Variants in SLC39A3 observed in about 807,000 individuals in gnomAD.
SLC39A3 encodes zinc transporter ZIP3.
Under a neutral mutation model 5.1 loss-of-function variants are expected in SLC39A3, and 3 were observed. The observed-to-expected ratio is 0.59, with a 90% CI of 0.27 to 1.54. SLC39A3 has a LOEUF of 1.54. SLC39A3 is among the 40% of genes most tolerant of loss of function. The probability of loss-of-function intolerance (pLI) is 0.12; values close to 1 mark genes in which losing one functional copy is unlikely to be tolerated. For synonymous variants in SLC39A3, 250 were observed against 218.8 expected, an observed-to-expected ratio of 1.14 and a Z score of -1.26; for missense variants, 412 against 436.4, an observed-to-expected ratio of 0.94 and a Z score of 0.50.
chr19:2,733,169 G>A lies in SLC39A3; in HGVS notation c.527C>T (p.Ala176Val), dbSNP rs768511805. The stretch of plus-strand genomic sequence containing the variant: ...CTCAAAGACCGAGTGGGCCGACAGC[G>A]CGAAGGCCAGGCTGAGCAGGCGCAC... ...SPVRLLSLAF[A>V]LSAHSVFEGL... The change falls in exon 3 of 3, where the codon GCG (alanine) becomes GTG (valine). Residue 176 changes from alanine to valine, a missense_variant. Physicochemically the swap from Ala to Val is moderately conservative, Grantham distance 64. Coordinates refer to ENST00000269740, the MANE Select transcript of SLC39A3 (RefSeq NM_144564.5). This position sits in a 1 kb window ranked among gnomAD's most constrained non-coding sequence, Gnocchi z 6.1. 23 of 1,609,994 alleles carry A rather than the reference G, an allele frequency of 1.4e-5. 1 individual carries two copies. The highest frequency in any genetic ancestry group is 1.7e-4 in the Middle Eastern group (1 of 6,052).
intron 1 of SLC39A3, among the ~76,000 whole-genome samples, chr19:2,738,693 T>C (rs942437370): frequency 6.6e-6 from 1 of 151,948 alleles, no homozygotes; most frequent in Admixed American, 6.6e-5. Context: ...GCAGATCACC[T>C]GAGGTCGAGA....
chr19:2,737,510 G>T, intron 1 of SLC39A3, 131 bp from the exon 2 acceptor site: 2 of 534,460 alleles, frequency 3.7e-6, no homozygotes, highest in South Asian at 5.1e-5. Context: ...CCGCTTCCTG[G>T]ATTCAAGCAA....
chr19:2,732,794 A>C lies in SLC39A3; in HGVS notation c.902T>G (p.Leu301Arg). The C allele has an allele frequency of 6.2e-7, 1 of 1,608,394 alleles. No homozygotes were observed. The highest frequency in any genetic ancestry group is 8.5e-7 in the Non-Finnish European group (1 of 1,177,278). The part of the protein sequence containing the change: ...DRLLKVLFLV[L>R]GYTVLAGMVF... ...CATCCCGGCCAGGACGGTGTAGCCC[A>C]GCACCAGGAAGAGGACCTTGAGCAG... Residue 301 changes from leucine to arginine, a missense_variant, in exon 3 of 3, where the codon CTG (leucine) becomes CGG (arginine). Leu to Arg is a moderately radical substitution (Grantham distance 102). Transcript: ENST00000269740.
chr19:2,737,083 A>G lies in SLC39A3; in HGVS notation c.175T>C (p.Cys59Arg), dbSNP rs764305815. Residue 59 changes from cysteine to arginine, a missense_variant, in exon 2 of 3, where the codon TGC becomes CGC. Transcript: ENST00000269740. The part of the protein sequence containing the change: ...TFGGGVFLAT[C>R]FNALLPAVRE... ...ACAGCGGGCAGCAGAGCGTTGAAGC[A>G]CGTGGCCAGAAACACCCCTCCTCCA... The G allele has an allele frequency of 1.2e-6, 2 of 1,614,200 alleles. No homozygotes were observed. The highest frequency in any genetic ancestry group is 1.7e-5 in the Admixed American group (1 of 60,010).
chr19:2,736,791 T>C (rs747971062), intron 2 of SLC39A3: 394 of 1,449,272 alleles, frequency 2.7e-4, no homozygotes, highest in Non-Finnish European at 3.4e-4. Context: ...GTGGGTAGTC[T>C]GGTCTGATTA....
In SLC39A3 at chr19:2,737,187, A is replaced by G. The variant is rs1217035942; in HGVS notation, c.71T>C (p.Leu24Pro). The G allele has an allele frequency of 9.3e-6, 15 of 1,614,052 alleles. No homozygotes were observed. Among genetic ancestry groups the G allele is most frequent in the Admixed American group, 8.3e-5 (5 of 60,008 alleles). ...TGTCTCGATGATCTTCACGGGGAGC[A>G]GGGAGCCGAGCAGCATGAAGAAGAA... is the stretch of plus-strand genomic sequence containing the variant. ...GVFFFMLLGS[L>P]LPVKIIETDF... The change falls in exon 2 of 3, where the codon CTG becomes CCG. Residue 24 changes from leucine to proline, a missense_variant. Leu to Pro is a moderately conservative substitution (Grantham distance 98). Coordinates refer to ENST00000269740, the MANE Select transcript of SLC39A3 (RefSeq NM_144564.5).
chr19:2,736,830 T>C, intron 2 of SLC39A3: 1 of 1,463,812 alleles, frequency 6.8e-7, no homozygotes, highest in Non-Finnish European at 9.0e-7. Flanking sequence ...GTCCACCTGT[T>C]GGGAATCCCA....
At position 2,735,166 on chromosome 19, in the gene SLC39A3, G is replaced by C; in HGVS notation, c.211-1681C>G. ...ACACCATGACCATGGGGGAAAAGGG[G>C]GGCTGGCAGTGGCCTCTGCGATGCA... On this transcript the variant is annotated intron_variant, in intron 2 of 2. Coordinates refer to ENST00000269740, the MANE Select transcript of SLC39A3 (RefSeq NM_144564.5). This position sits in a 1 kb window ranked among gnomAD's most constrained non-coding sequence, Gnocchi z 5.7. 1.0e-6 allele frequency: 1 copy of C among 985,470 alleles called. No homozygotes were observed. Among genetic ancestry groups the C allele is most frequent in the Non-Finnish European group, 1.2e-6 (1 of 829,962 alleles). 61.0% of individuals were successfully genotyped at this position (985,470 alleles called of 1,614,324 possible).
chr19:2,732,604 A>T lies in SLC39A3; in HGVS notation c.*147T>A. 7.3e-7 allele frequency: 1 copy of T among 1,373,724 alleles called. No homozygotes were observed. The highest frequency in any genetic ancestry group is 2.7e-5 in the East Asian group (1 of 37,694). The allele number at this position is 1,373,724 out of a possible 1,614,324, so 85.1% of individuals were successfully genotyped here. A position where few individuals can be genotyped will look rare whatever the true frequency, so the allele number is the denominator to read the frequency against. On this transcript the variant is annotated 3_prime_UTR_variant, in exon 3 of 3. Transcript: ENST00000269740. The stretch of plus-strand genomic sequence containing the variant: ...GCTCAGGGTGTAGGATCGGGGGCAC[A>T]GCCTGGTCCCGGGAGGCCCCTTGTG...
chr19:2,734,863 C>G lies in SLC39A3; in HGVS notation c.211-1378G>C. The G allele has an allele frequency of 1.0e-6, 1 of 985,494 alleles. No homozygotes were observed. The highest frequency in any genetic ancestry group is 1.2e-6 in the Non-Finnish European group (1 of 829,956). 61.0% of individuals were successfully genotyped at this position (985,494 alleles called of 1,614,324 possible). Reference sequence around the variant, plus strand: ...CTTGAGGACAAGCTCATGAGGAACTCTAGCTACTCCCAAGAGACAGACGTT... The same window carrying G: ...CTTGAGGACAAGCTCATGAGGAACTGTAGCTACTCCCAAGAGACAGACGTT... On this transcript the variant is annotated intron_variant, in intron 2 of 2. Transcript: ENST00000269740. The surrounding 1 kb of genome is among the most constrained non-coding windows in gnomAD (Gnocchi z 4.6).
rs146790621 is a variant in SLC39A3, at chr19:2,733,116, C to G, written c.580G>C (p.Gly194Arg). 52 of 1,610,626 alleles carry G rather than the reference C, an allele frequency of 3.2e-5. No homozygotes were observed. The highest frequency in any genetic ancestry group is 4.1e-5 in the Non-Finnish European group (48 of 1,179,116). Residue 194 changes from glycine to arginine, a missense_variant, in exon 3 of 3, where the codon GGG (glycine) becomes CGG (arginine). Physicochemically the swap from Gly to Arg is moderately radical, Grantham distance 125 (BLOSUM62 -2). Transcript: ENST00000269740. This position sits in a 1 kb window ranked among gnomAD's most constrained non-coding sequence, Gnocchi z 6.1. The stretch of plus-strand genomic sequence containing the variant: ...ACGAACAGGCTCACCACTTTCTCCC[C>G]CTCCTCCTGCAGGCCCAGGGCCAGG... ...EGLALGLQEEGEKVVSLFVGV... is the reference protein window; with the variant it reads ...EGLALGLQEEREKVVSLFVGV...
In SLC39A3 at chr19:2,732,975, G is replaced by T. The variant is rs762854273; in HGVS notation, c.721C>A (p.Pro241Thr). ...KLAVTVSAMI[P>T]LGIGLGLGIE... The stretch of plus-strand genomic sequence containing the variant: ...CCCAGGCCCAGGCCGATGCCCAGGG[G>T]GATCATGGCGCTTACGGTGACCGCC... Residue 241 changes from proline to threonine, a missense_variant, in exon 3 of 3, where the codon CCC (proline) becomes ACC (threonine). Physicochemically the swap from Pro to Thr is conservative, Grantham distance 38. Transcript: ENST00000269740. 1 of 1,602,030 alleles carries T rather than the reference G, an allele frequency of 6.2e-7. No individual in the cohort carries two copies. Among genetic ancestry groups the T allele is most frequent in the Non-Finnish European group, 8.5e-7 (1 of 1,173,250 alleles).
At chr19:2,738,645 C>T (rs11084955) in intron 1 of SLC39A3, among the ~76,000 whole-genome samples, 56,684 of 151,930 alleles carry the variant, frequency 0.37, 12,320 homozygotes, top group African/African-American at 0.59. Flanking sequence ...AGTGGTGGCT[C>T]ACACCTGTAA....
chr19:2,737,162 T>C lies in SLC39A3; in HGVS notation c.96A>G (p.Thr32=), dbSNP rs763221828. The change falls in exon 2 of 3, where the codon ACA becomes ACG. Residue 32 remains threonine, a synonymous_variant. Coordinates refer to ENST00000269740, the MANE Select transcript of SLC39A3 (RefSeq NM_144564.5). ...GSLLPVKIIE[T]DFEKAHRSKK... ...TCGAGCGATGGGCCTTCTCAAAATCTGTCTCGATGATCTTCACGGGGAGCA... is the reference window on the plus strand; with the variant it reads ...TCGAGCGATGGGCCTTCTCAAAATCCGTCTCGATGATCTTCACGGGGAGCA... 6.2e-7 allele frequency: 1 copy of C among 1,614,140 alleles called. No individual in the cohort carries two copies. The highest frequency in any genetic ancestry group is 8.5e-7 in the Non-Finnish European group (1 of 1,180,022).
chr19:2,736,312 G>T, intron 2 of SLC39A3: 2 of 436,348 alleles, frequency 4.6e-6, no homozygotes, highest in South Asian at 9.7e-5. Flanking sequence ...GGGCAGAGGG[G>T]AAGGGATACC....
At position 2,737,364 on chromosome 19, in the gene SLC39A3, T is replaced by A; in HGVS notation, c.-107A>T. 6.7e-7 allele frequency: 1 copy of A among 1,483,230 alleles called. No individual in the cohort carries two copies. Among genetic ancestry groups the A allele is most frequent in the Non-Finnish European group, 9.0e-7 (1 of 1,112,442 alleles). The allele number at this position is 1,483,230 out of a possible 1,614,324, so 91.9% of individuals were successfully genotyped here. ...GCCCAACCACACAGTTGGAGGCTCA[T>A]GTCTCAGTCCAGCAACTGTGAACAT... On this transcript the variant is annotated 5_prime_UTR_variant, in exon 2 of 3. The change abolishes an upstream ATG in the 5' untranslated region. Transcript: ENST00000269740.
rs777684159 is a variant in SLC39A3 at position 2,732,701 on chromosome 19, G to A, written c.*50C>T. On this transcript the variant is annotated 3_prime_UTR_variant, in exon 3 of 3. Transcript: ENST00000269740. ...CGGCCGGGGGACGCGGCCTGTGTCC[G>A]GCCCGGGGCTCCCGGCGGGCTCCGG... 6.9e-5 allele frequency: 103 copies of A among 1,496,036 alleles called. No individual in the cohort carries two copies. The highest frequency in any genetic ancestry group is 9.5e-5 in the Admixed American group (4 of 42,042). 92.7% of individuals were successfully genotyped at this position (1,496,036 alleles called of 1,614,324 possible).
chr19:2,737,415 CTTTT>C (rs1568301026), intron 1 of SLC39A3, 36 bp from the exon 2 acceptor site: 2 of 1,290,630 alleles, frequency 1.5e-6, no homozygotes, highest in Non-Finnish European at 2.1e-6. Context: ...AGCTTTCTTT[CTTTT>C]TTCTTTTTTT....
At position 2,733,090 on chromosome 19, in the gene SLC39A3, C is replaced by T; in HGVS notation, c.606G>A (p.Val202=). The change falls in exon 3 of 3, where the codon GTG becomes GTA. Residue 202 remains valine, a synonymous_variant. Transcript: ENST00000269740. This position sits in a 1 kb window ranked among gnomAD's most constrained non-coding sequence, Gnocchi z 6.1. ...EEGEKVVSLF[V]GVAVHETLVA... is the part of the protein sequence containing the mutation. The stretch of plus-strand genomic sequence containing the variant: ...CCAGTGTCTCGTGGACGGCCACCCC[C>T]ACGAACAGGCTCACCACTTTCTCCC... 6.2e-7 allele frequency: 1 copy of T among 1,611,036 alleles called. No individual in the cohort carries two copies. Among genetic ancestry groups the T allele is most frequent in the Non-Finnish European group, 8.5e-7 (1 of 1,179,142 alleles).
Sources: allele counts gnomAD v4.1 joint callset (sites outside exome capture counted in the v4.1 genomes callset), GRCh38; gene constraint gnomAD v4.1.1; non-coding constraint Gnocchi (gnomAD v3.1); transcripts MANE v1.5; gene names NCBI Gene and HGNC (gene_info 2026-07-23, HGNC 2026-07-21).